Variants in UQCC1 observed in about 807,000 individuals in gnomAD.
UQCC1 encodes the protein bFGF-repressed Zic-binding protein.
A neutral mutation model predicts 48.0 loss-of-function variants in UQCC1; 38 were observed. That is an observed-to-expected ratio of 0.79 (90% CI 0.61 to 1.04). The LOEUF is 1.04. Among genes scored for constraint, UQCC1 ranks in the 50% least tolerant of loss-of-function variants. UQCC1 has a pLI of 0.00. For missense variants in UQCC1, 368 were observed against 381.8 expected, an observed-to-expected ratio of 0.96 and a Z score of 0.30; for synonymous variants, 111 against 129.2, an observed-to-expected ratio of 0.86 and a Z score of 0.95.
Position 35,340,848 on chromosome 20 carries a change from A to G in UQCC1, c.573+6316T>C, listed in dbSNP as rs376786791. Among the ~76,000 whole-genome samples, 6 of 151,806 alleles carry G rather than the reference A, an allele frequency of 4.0e-5. No homozygotes were observed. The East Asian group carries it at 7.8e-4, about 20-fold the overall frequency. On this transcript the variant is annotated intron_variant, in intron 7 of 9. Coordinates refer to ENST00000374385, the MANE Select transcript of UQCC1 (RefSeq NM_018244.5). Reference sequence around the variant, plus strand: ...GTAGGGAAAGAGAGGCGATTTGGTGACAGGTGGTGATTACAGAGGCCTGAA... The same window carrying G: ...GTAGGGAAAGAGAGGCGATTTGGTGGCAGGTGGTGATTACAGAGGCCTGAA...
chr20:35,331,972 G>A (rs1049307131), intron 7 of UQCC1, among the ~76,000 whole-genome samples: 2 of 152,218 alleles, frequency 1.3e-5, no homozygotes, highest in Non-Finnish European at 2.9e-5. Context: ...TTACCTTATA[G>A]AGGATGGAAT....
chr20:35,396,591 T>C (rs1162761505), intron 1 of UQCC1, among the ~76,000 whole-genome samples: 1 of 152,144 alleles, frequency 6.6e-6, no homozygotes, highest in Non-Finnish European at 1.5e-5. Flanking sequence ...GGGTAGAAGT[T>C]TTGCAGTGGG....
intron 5 of UQCC1, among the ~76,000 whole-genome samples, chr20:35,367,857 G>T (rs1435164953): frequency 6.6e-6 from 1 of 152,118 alleles, no homozygotes; most frequent in East Asian, 1.9e-4. Flanking sequence ...TTACTGAAAG[G>T]CTGTTCATCA....
chr20:35,333,616 AC>A (rs1470488373), intron 7 of UQCC1, among the ~76,000 whole-genome samples: 4 of 152,292 alleles, frequency 2.6e-5, no homozygotes, highest in Admixed American at 2.0e-4. Flanking sequence ...ACATGCTTAT[AC>A]CATCTCTCTC....
At chr20:35,403,244 A>G (rs886310650) in intron 1 of UQCC1, among the ~76,000 whole-genome samples, 1 of 152,196 alleles carries the variant, frequency 6.6e-6, no homozygotes, top group Non-Finnish European at 1.5e-5. Flanking sequence ...ATGGCAAGGC[A>G]AAAGAGTAGA....
At chr20:35,353,783 C>A (rs2061517122) in intron 6 of UQCC1, among the ~76,000 whole-genome samples, 2 of 151,158 alleles carry the variant, frequency 1.3e-5, no homozygotes, top group South Asian at 2.1e-4. Flanking sequence ...CAGAGTGAGA[C>A]CCTGTCTAAA....
intron 6 of UQCC1, among the ~76,000 whole-genome samples, chr20:35,353,689 G>T (rs1035094943): frequency 6.6e-6 from 1 of 152,078 alleles, no homozygotes; most frequent in African/African-American, 2.4e-5. Context: ...CTACTAAGGA[G>T]GCTGATATGG....
intron 7 of UQCC1, among the ~76,000 whole-genome samples, chr20:35,321,442 G>A (rs2425056): frequency 0.38 from 58,268 of 151,974 alleles, 12,034 homozygotes; most frequent in African/African-American, 0.53. Flanking sequence ...GTATGTTCCC[G>A]TTGCGATGAA....
At chr20:35,382,533 GAC>G (rs1489980422) in intron 3 of UQCC1, among the ~76,000 whole-genome samples, 5 of 101,144 alleles carry the variant, frequency 4.9e-5, no homozygotes, top group African/African-American at 2.0e-4. Context: ...TTTTTTTTGA[GAC>G]AGAGTCTTGC....
intron 1 of UQCC1, among the ~76,000 whole-genome samples, chr20:35,394,632 G>A (rs6088816): frequency 0.54 from 81,445 of 151,930 alleles, 23,065 homozygotes; most frequent in East Asian, 0.72. Flanking sequence ...GAGAACTTCC[G>A]GTAAAGATGA....
chr20:35,376,385 A>AT (rs1600975479), intron 4 of UQCC1, among the ~76,000 whole-genome samples: 1 of 152,114 alleles, frequency 6.6e-6, no homozygotes, highest in Non-Finnish European at 1.5e-5. Flanking sequence ...TAAGATACAA[A>AT]TTTTCAGTAT....
intron 2 of UQCC1, chr20:35,386,268 C>G: frequency 2.4e-6 from 1 of 423,886 alleles, no homozygotes. Context: ...CTCACTAATG[C>G]TATATTACCT....
At chr20:35,401,518 C>A (rs547327490) in intron 1 of UQCC1, among the ~76,000 whole-genome samples, 1 of 152,276 alleles carries the variant, frequency 6.6e-6, no homozygotes. Flanking sequence ...AATTTCTTAC[C>A]CCTCTGCAAA....
chr20:35,308,648 C>T (rs2060953927), intron 8 of UQCC1, among the ~76,000 whole-genome samples: 2 of 152,250 alleles, frequency 1.3e-5, no homozygotes, highest in Admixed American at 1.3e-4. Flanking sequence ...AGGGTTCCCT[C>T]ACACGCCTAG....
In UQCC1 at chr20:35,394,178, A is replaced by G. The variant is rs2062046860; in HGVS notation, c.43T>C (p.Ser15Pro). Residue 15 changes from serine to proline, a missense_variant, in exon 2 of 10, where the codon TCT becomes CCT. Transcript: ENST00000374385. ...CGGCTGCATACTGGAACCCACTGAG[A>G]AATGCTAGTCTGGTTCCTCTAAAGA... ...VRVLRNQTSI[S>P]QWVPVCSRLI... is the part of the protein sequence containing the mutation. 6.2e-7 allele frequency: 1 copy of G among 1,613,926 alleles called. No homozygotes were observed. The highest frequency in any genetic ancestry group is 1.1e-5 in the South Asian group (1 of 91,080).
intron 4 of UQCC1, among the ~76,000 whole-genome samples, chr20:35,381,251 G>A (rs1346987902): frequency 6.6e-6 from 1 of 152,168 alleles, no homozygotes; most frequent in East Asian, 1.9e-4. Context: ...TTAATAAAAA[G>A]ATGATTAGTA....
chr20:35,377,854 T>G (rs1164649324), intron 4 of UQCC1, among the ~76,000 whole-genome samples: 1 of 152,196 alleles, frequency 6.6e-6, no homozygotes, highest in African/African-American at 2.4e-5. Flanking sequence ...CAATGAAGAC[T>G]TCACCAGATT....
chr20:35,314,808 A>G (rs773643464), intron 7 of UQCC1, 43 bp from the exon 8 acceptor site: 8 of 1,532,262 alleles, frequency 5.2e-6, no homozygotes, highest in East Asian at 2.3e-5. Flanking sequence ...AAAGAAAGAA[A>G]GAAAAAAACC....
At chr20:35,379,245 C>T (rs1173552364) in intron 4 of UQCC1, among the ~76,000 whole-genome samples, 3 of 152,146 alleles carry the variant, frequency 2.0e-5, no homozygotes, top group African/African-American at 7.2e-5. Context: ...GGGAATAACA[C>T]ATGAAACCTA....
Sources: allele counts gnomAD v4.1 joint callset (sites outside exome capture counted in the v4.1 genomes callset), GRCh38; gene constraint gnomAD v4.1.1; transcripts MANE v1.5; gene names NCBI Gene and HGNC (gene_info 2026-07-23, HGNC 2026-07-21).